ENG: variants seen among roughly 807,000 people sequenced by gnomAD.
ENG encodes the protein CD105 antigen.
ENG carries 17 observed loss-of-function variants against 71.0 expected under a neutral mutation model. That is an observed-to-expected ratio of 0.24 (90% CI 0.16 to 0.36). ENG has a LOEUF of 0.36. Ranked by LOEUF, ENG falls within the 10% of genes least tolerant of loss-of-function variation. ENG has a pLI of 1.00. For synonymous variants in ENG, 360 were observed against 366.9 expected, an observed-to-expected ratio of 0.98 and a Z score of 0.21; for missense variants, 749 against 868.3, an observed-to-expected ratio of 0.86 and a Z score of 1.73.
rs549125323 is a variant in ENG at position 127,843,734 on chromosome 9, T to C, written c.68-489A>G. ...ACATATATACACCCACACATCCACATACATATATATATATATATATATTTT... is the reference window on the plus strand; with the variant it reads ...ACATATATACACCCACACATCCACACACATATATATATATATATATATTTT... On this transcript the variant is annotated intron_variant, in intron 1 of 14. Transcript: ENST00000373203. Among the ~76,000 whole-genome samples, 76 of 8,946 alleles carry C rather than the reference T, an allele frequency of 8.5e-3. 1 individual carries two copies. The highest frequency in any genetic ancestry group is 0.018 in the African/African-American group (74 of 4,224). 5.9% of individuals were successfully genotyped at this position (8,946 alleles called of 152,430 possible).
At chr9:127,833,541 A>G (rs1830820530) in intron 2 of ENG, among the ~76,000 whole-genome samples, 1 of 151,086 alleles carries the variant, frequency 6.6e-6, no homozygotes, top group African/African-American at 2.4e-5. Flanking sequence ...AAAAAAAAAA[A>G]AAAAAGACAG....
chr9:127,825,118 G>A (rs989763298), intron 6 of ENG, 113 bp downstream of exon 6: 7 of 1,596,906 alleles, frequency 4.4e-6, no homozygotes, highest in African/African-American at 2.7e-5. Flanking sequence ...TCACGTATGG[G>A]CATAGGTGAT....
intron 2 of ENG, among the ~76,000 whole-genome samples, chr9:127,833,282 G>A (rs1830810915): frequency 6.6e-6 from 1 of 152,144 alleles, no homozygotes; most frequent in Admixed American, 6.6e-5. Flanking sequence ...AGCACTTTGG[G>A]AGGCTGAGGT....
At chr9:127,824,500 G>T in intron 7 of ENG, 54 bp from the exon 8 acceptor site, 1 of 1,355,816 alleles carries the variant, frequency 7.4e-7, no homozygotes, top group Non-Finnish European at 1.0e-6. Context: ...ATCACTGTGT[G>T]CCCGCACCAG....
intron 1 of ENG, 44 bp from the exon 2 acceptor site, chr9:127,843,289 G>A (rs1005006958): frequency 1.2e-6 from 2 of 1,613,422 alleles, no homozygotes; most frequent in Non-Finnish European, 1.7e-6. Context: ...AGAATAAGGT[G>A]ATGACAATGA....
Position 127,824,344 on chromosome 9 carries a change from T to A in ENG, c.1094A>T (p.Asp365Val). Residue 365 changes from aspartate (D) to valine (V), a missense_variant, in exon 8 of 15, where the codon GAC (aspartate) becomes GTC (valine). Transcript: ENST00000373203. ...CTTTAGTACCAGGGTCATGGCGTCG[T>A]CGGCACACTTTGTCTGGATCAAGGA... Reference protein sequence around the residue: ...LMSLIQTKCADDAMTLVLKKE... With the variant: ...LMSLIQTKCAVDAMTLVLKKE... 1 of 1,613,920 alleles carries A rather than the reference T, an allele frequency of 6.2e-7. No individual in the cohort carries two copies. Among genetic ancestry groups the A allele is most frequent in the Non-Finnish European group, 8.5e-7 (1 of 1,179,990 alleles).
chr9:127,825,136 T>G, intron 6 of ENG, 95 bp downstream of exon 6: 1 of 1,609,424 alleles, frequency 6.2e-7, no homozygotes, highest in Non-Finnish European at 8.5e-7. Flanking sequence ...GATTTGTCCT[T>G]CAGCTCAGCT....
intron 1 of ENG, among the ~76,000 whole-genome samples, chr9:127,852,529 A>G (rs1386439251): frequency 6.6e-6 from 1 of 152,216 alleles, no homozygotes; most frequent in East Asian, 1.9e-4. Context: ...TGCTCACAGG[A>G]ACAGACGGAT....
intron 10 of ENG, among the ~76,000 whole-genome samples, chr9:127,819,069 C>G (rs1830409859): frequency 6.6e-6 from 1 of 152,026 alleles, no homozygotes; most frequent in Non-Finnish European, 1.5e-5. Flanking sequence ...TCCCAAGTAG[C>G]TGGGATTACA....
At chr9:127,816,127 G>A in intron 13 of ENG, 74 bp from the exon 14 acceptor site, 1 of 1,533,608 alleles carries the variant, frequency 6.5e-7, no homozygotes, top group Non-Finnish European at 8.8e-7. Flanking sequence ...GCTGGCCCAT[G>A]TGGGCTTTGG....
intron 3 of ENG, among the ~76,000 whole-genome samples, chr9:127,828,960 C>T (rs867236575): frequency 2.0e-5 from 3 of 152,150 alleles, no homozygotes; most frequent in Admixed American, 6.6e-5. Context: ...CCCAGACATT[C>T]CTCATGGAGG....
chr9:127,823,869 C>T (rs1830534548), intron 8 of ENG, among the ~76,000 whole-genome samples: 1 of 151,674 alleles, frequency 6.6e-6, no homozygotes, highest in Non-Finnish European at 1.5e-5. Flanking sequence ...TTAGTAAAGA[C>T]AGGGTTTCAC....
rs1307140236 is a variant in ENG, at chr9:127,854,370, G to T, written c.-15C>A. 2 of 1,578,906 alleles carry T rather than the reference G, an allele frequency of 1.3e-6. No individual in the cohort carries two copies. The highest frequency in any genetic ancestry group is 4.7e-5 in the East Asian group (2 of 42,658). On this transcript the variant is annotated 5_prime_UTR_variant, in exon 1 of 15. Coordinates refer to ENST00000373203, the MANE Select transcript of ENG (RefSeq NM_001114753.3). ...CCGCGGTCCATGCTGTCCACGTGGG[G>T]GCCTGTGCGCTGGGCCTTATCCTGT...
At chr9:127,831,661 A>AGGTGT (rs1830768883) in intron 2 of ENG, among the ~76,000 whole-genome samples, 1 of 149,918 alleles carries the variant, frequency 6.7e-6, no homozygotes, top group Non-Finnish European at 1.5e-5. Context: ...CTGGGATTAC[A>AGGTGT]GGTGTGAACC....
chr9:127,843,650 C>G (rs1831096231), intron 1 of ENG, among the ~76,000 whole-genome samples: 1 of 140,924 alleles, frequency 7.1e-6, no homozygotes, highest in Admixed American at 7.3e-5. Context: ...TGTATATATA[C>G]ATACACACAC....
chr9:127,820,416 A>G lies in ENG; in HGVS notation c.1135-379T>C, dbSNP rs539548260. Among the ~76,000 whole-genome samples, 3 of 151,604 alleles carry G rather than the reference A, an allele frequency of 2.0e-5. No individual in the cohort carries two copies. In the East Asian group the frequency reaches 5.9e-4, roughly 30 times the overall value. On this transcript the variant is annotated intron_variant, in intron 8 of 14. Transcript: ENST00000373203. ...CACCATGTTGGCCAGGCTGGTCTCA[A>G]ACTCCTGACCTCAGGTGATCCACCT...
chr9:127,829,758 G>C lies in ENG; in HGVS notation c.289C>G (p.Leu97Val), dbSNP rs369032018. Residue 97 changes from leucine (L) to valine (V), a missense_variant, in exon 3 of 15, where the codon CTG (leucine) becomes GTG (valine). Leu to Val is a conservative substitution (Grantham distance 32). Transcript: ENST00000373203. ...ACACTGCTGTTTACACTGAGGACCA[G>C]AAGCACCTCTCGGGGCCAGGTGCCA... ...QNGTWPREVL[L>V]VLSVNSSVFL... The C allele has an allele frequency of 1.9e-6, 3 of 1,614,062 alleles. No individual in the cohort carries two copies. In the African/African-American group the frequency reaches 4.0e-5, roughly 22 times the overall value.
chr9:127,821,022 G>A (rs987047720), intron 8 of ENG, among the ~76,000 whole-genome samples: 2 of 152,158 alleles, frequency 1.3e-5, no homozygotes, highest in African/African-American at 2.4e-5. Flanking sequence ...GATGGACTGT[G>A]TATATGATGG....
chr9:127,815,587 C>G lies in ENG; in HGVS notation c.*95G>C, dbSNP rs1588571751. ...GCGGAGAGCAGGCTCCATTCTGGGTCGAGTGGAGGACTGGCTCCCAGGGTG... is the reference window on the plus strand; with the variant it reads ...GCGGAGAGCAGGCTCCATTCTGGGTGGAGTGGAGGACTGGCTCCCAGGGTG... On this transcript the variant is annotated 3_prime_UTR_variant, in exon 15 of 15. Coordinates refer to ENST00000373203, the MANE Select transcript of ENG (RefSeq NM_001114753.3). 3 of 1,496,764 alleles carry G rather than the reference C, an allele frequency of 2.0e-6. No homozygotes were observed. Among genetic ancestry groups the G allele is most frequent in the East Asian group, 2.5e-5 (1 of 40,504 alleles). 92.7% of individuals were successfully genotyped at this position (1,496,764 alleles called of 1,614,324 possible). A position where few individuals can be genotyped will look rare whatever the true frequency, so the allele number is the denominator to read the frequency against.
Sources: allele counts gnomAD v4.1 joint callset (sites outside exome capture counted in the v4.1 genomes callset), GRCh38; gene constraint gnomAD v4.1.1; transcripts MANE v1.5; gene names NCBI Gene and HGNC (gene_info 2026-07-23, HGNC 2026-07-21).